Variants in FAT3 observed in about 807,000 individuals in gnomAD.
FAT3 encodes the protein FAT atypical cadherin 3.
Under a neutral mutation model 310.2 loss-of-function variants are expected in FAT3, and 95 were observed. The ratio of observed to expected loss-of-function variants is 0.31; its 90% confidence interval spans 0.26 to 0.36. The LOEUF is 0.36. FAT3 is among the 10% of genes least tolerant of loss of function. The pLI, the probability that FAT3 is intolerant of heterozygous loss-of-function variation, is 1.00. For synonymous variants in FAT3, 2,314 were observed against 2,192.9 expected, an observed-to-expected ratio of 1.06 and a Z score of -1.54; for missense variants, 5,408 against 5,715.6, an observed-to-expected ratio of 0.95 and a Z score of 1.74.
intron 1 of FAT3, among the ~76,000 whole-genome samples, chr11:92,265,885 A>G (rs1480044674): frequency 6.6e-6 from 1 of 152,080 alleles, no homozygotes; most frequent in Non-Finnish European, 1.5e-5. Flanking sequence ...GATTCAACAC[A>G]TACATCTTTG....
intron 2 of FAT3, among the ~76,000 whole-genome samples, chr11:92,422,541 GAAC>G (rs2134984845): frequency 6.6e-6 from 1 of 152,274 alleles, no homozygotes; most frequent in South Asian, 2.1e-4. Flanking sequence ...TTGAAGAGGA[GAAC>G]TGTGGCAGGG....
intron 19 of FAT3, 54 bp from the exon 20 acceptor site, chr11:92,857,160 G>A (rs2136322068): frequency 1.9e-6 from 3 of 1,612,762 alleles, no homozygotes; most frequent in East Asian, 2.2e-5. Context: ...CTTCCCTGGA[G>A]TGCAGGGTGA....
rs550283968 is a variant in FAT3 at position 92,361,863 on chromosome 11, A to C, written c.3292+6459A>C. On this transcript the variant is annotated intron_variant, in intron 2 of 27. Coordinates refer to ENST00000525166, the MANE Select transcript of FAT3 (RefSeq NM_001367949.2). The stretch of plus-strand genomic sequence containing the variant: ...CACTGCACCAGGCACTAGTGACACA[A>C]ACAGGCAGAAGTGTAAGAAATGGGT... 7.2e-5 allele frequency among the ~76,000 whole-genome samples: 11 copies of C among 152,358 alleles called. No homozygotes were observed. The East Asian group carries it at 2.1e-3, about 29-fold the overall frequency.
chr11:92,801,181 T>C lies in FAT3; in HGVS notation c.8168T>C (p.Ile2723Thr). 1 of 1,613,902 alleles carries C rather than the reference T, an allele frequency of 6.2e-7. No homozygotes were observed. The highest frequency in any genetic ancestry group is 8.5e-7 in the Non-Finnish European group (1 of 1,179,854). Reference sequence around the variant, plus strand: ...TTTACCATTGCAGAAGATACAGCCATTGGGAGTACAGTGGACACCCTGAGG... The same window carrying C: ...TTTACCATTGCAGAAGATACAGCCACTGGGAGTACAGTGGACACCCTGAGG... ...YSFTIAEDTA[I>T]GSTVDTLRIL... Residue 2723 changes from isoleucine (I) to threonine (T), a missense_variant, in exon 10 of 28, where the codon ATT (isoleucine) becomes ACT (threonine). Transcript: ENST00000525166.
intron 2 of FAT3, among the ~76,000 whole-genome samples, 170 bp from the exon 3 acceptor site, chr11:92,524,464 T>C (rs1953785107): frequency 6.6e-6 from 1 of 152,232 alleles, no homozygotes; most frequent in Non-Finnish European, 1.5e-5. Flanking sequence ...CTGGTCCTGC[T>C]GAAAATCATT....
chr11:92,269,273 C>A (rs913941480), intron 1 of FAT3, among the ~76,000 whole-genome samples: 1 of 152,058 alleles, frequency 6.6e-6, no homozygotes, highest in Non-Finnish European at 1.5e-5. Context: ...TAGAAACATT[C>A]TTTCGCCTGG....
intron 2 of FAT3, among the ~76,000 whole-genome samples, chr11:92,445,659 A>G (rs1042579499): frequency 3.3e-5 from 5 of 152,174 alleles, no homozygotes; most frequent in East Asian, 1.9e-4. Flanking sequence ...TGTTTTGCAT[A>G]TATGAGTGTA....
intron 17 of FAT3, among the ~76,000 whole-genome samples, chr11:92,838,183 C>A (rs1387555880): frequency 6.6e-6 from 1 of 152,150 alleles, no homozygotes; most frequent in East Asian, 1.9e-4. Context: ...TTGGGGCTGT[C>A]TTCTGCAAAA....
chr11:92,405,583 C>A (rs372780378), intron 2 of FAT3, among the ~76,000 whole-genome samples: 5 of 152,100 alleles, frequency 3.3e-5, no homozygotes, highest in Non-Finnish European at 7.4e-5. Flanking sequence ...ATAACAAGAC[C>A]CCATCTCTAC....
intron 3 of FAT3, among the ~76,000 whole-genome samples, chr11:92,631,585 C>T (rs532863810): frequency 6.6e-5 from 10 of 152,204 alleles, no homozygotes; most frequent in African/African-American, 1.7e-4. Context: ...TCTTCCCCTT[C>T]GCCTTCTGCC....
intron 2 of FAT3, among the ~76,000 whole-genome samples, chr11:92,502,897 G>A (rs1328676556): frequency 6.6e-6 from 1 of 152,042 alleles, no homozygotes; most frequent in Non-Finnish European, 1.5e-5. Flanking sequence ...ATGTAACCTT[G>A]AAAAGGTTAC....
chr11:92,378,519 A>G (rs1254691422), intron 2 of FAT3, among the ~76,000 whole-genome samples: 1 of 152,186 alleles, frequency 6.6e-6, no homozygotes, highest in African/African-American at 2.4e-5. Flanking sequence ...CAGTTTTCAC[A>G]TAAGGCATTA....
At chr11:92,605,854 G>A (rs373243231) in intron 3 of FAT3, among the ~76,000 whole-genome samples, 3 of 151,162 alleles carry the variant, frequency 2.0e-5, no homozygotes, top group Admixed American at 6.6e-5. Context: ...GTTCAGTGAC[G>A]GATGTGTAAT....
At chr11:92,319,239 G>A (rs12808535) in intron 1 of FAT3, among the ~76,000 whole-genome samples, 2,822 of 152,266 alleles carry the variant, frequency 0.019, 36 homozygotes, top group Non-Finnish European at 0.028. Context: ...ACGTTTGTGT[G>A]TGGTTTTCTT....
intron 12 of FAT3, among the ~76,000 whole-genome samples, chr11:92,807,083 G>A (rs1947525206): frequency 1.3e-5 from 2 of 152,220 alleles, no homozygotes; most frequent in Non-Finnish European, 2.9e-5. Context: ...TCTCTTCTCT[G>A]GTGGTGAATC....
chr11:92,603,108 G>T (rs1162032689), intron 3 of FAT3, among the ~76,000 whole-genome samples: 1 of 152,180 alleles, frequency 6.6e-6, no homozygotes, highest in Non-Finnish European at 1.5e-5. Context: ...AAGTCATGTG[G>T]TGATGGCTTA....
intron 2 of FAT3, among the ~76,000 whole-genome samples, chr11:92,488,754 C>G (rs1168959264): frequency 6.6e-6 from 1 of 152,042 alleles, no homozygotes; most frequent in Admixed American, 6.6e-5. Context: ...AAAGCCTTCT[C>G]CCACCTCAGC....
intron 1 of FAT3, among the ~76,000 whole-genome samples, chr11:92,273,128 G>A (rs577567793): frequency 1.4e-4 from 21 of 152,110 alleles, no homozygotes; most frequent in African/African-American, 3.9e-4. Context: ...TCTAACAATA[G>A]TATCTGTGAA....
At chr11:92,856,986 C>A (rs2136321697) in intron 19 of FAT3, among the ~76,000 whole-genome samples, 1 of 152,320 alleles carries the variant, frequency 6.6e-6, no homozygotes, top group African/African-American at 2.4e-5. Flanking sequence ...CTGCACCAGT[C>A]TGGCAGTGAA....
Sources: gnomAD v4.1 joint callset for allele counts (sites outside exome capture counted in the v4.1 genomes callset) on GRCh38, gnomAD v4.1.1 for gene constraint, MANE v1.5 for transcripts, NCBI Gene and HGNC (gene_info 2026-07-23, HGNC 2026-07-21) for gene names.